PLEKHA5: variants seen among roughly 807,000 people sequenced by gnomAD.
PLEKHA5 encodes pleckstrin homology domain containing A5, also known as pleckstrin homology domain-containing family A member 5.
In PLEKHA5, 55 loss-of-function variants were observed where a neutral mutation model predicts 181.9. The ratio of observed to expected loss-of-function variants is 0.30; its 90% confidence interval spans 0.24 to 0.38. The LOEUF is 0.38. PLEKHA5 is among the 10% of genes least tolerant of loss of function. The pLI, the probability that PLEKHA5 is intolerant of heterozygous loss-of-function variation, is 1.00. For synonymous variants in PLEKHA5, 535 were observed against 529.4 expected (o/e 1.01, Z -0.15); for missense variants, 1,432 against 1,549.5 (o/e 0.92, Z 1.27).
At chr12:19,248,656 T>C (rs757465142) in intron 3 of PLEKHA5, among the ~76,000 whole-genome samples, 7 of 152,234 alleles carry the variant, frequency 4.6e-5, no homozygotes, top group South Asian at 2.1e-4. Context: ...ATATATTTTC[T>C]ATTTTTATAG....
chr12:19,163,872 A>C (rs1398909250), intron 3 of PLEKHA5, among the ~76,000 whole-genome samples: 1 of 152,124 alleles, frequency 6.6e-6, no homozygotes, highest in African/African-American at 2.4e-5. Flanking sequence ...AATAGAGAAA[A>C]GTTGGCTGAC....
chr12:19,274,257 C>T (rs1169859843), intron 10 of PLEKHA5, among the ~76,000 whole-genome samples: 3 of 152,182 alleles, frequency 2.0e-5, no homozygotes, highest in Non-Finnish European at 4.4e-5. Flanking sequence ...TTTCAGATTC[C>T]TAATGGTGGG....
intron 15 of PLEKHA5, among the ~76,000 whole-genome samples, chr12:19,293,811 TTG>T (rs1290001159): frequency 1.3e-5 from 2 of 152,116 alleles, no homozygotes; most frequent in Non-Finnish European, 2.9e-5. Context: ...CACATCGAGA[TTG>T]TGTTTTATCC....
At chr12:19,162,054 A>C (rs948176130) in intron 3 of PLEKHA5, among the ~76,000 whole-genome samples, 5 of 152,188 alleles carry the variant, frequency 3.3e-5, no homozygotes, top group African/African-American at 1.2e-4. Context: ...GGCTTGTTGC[A>C]TGCATCCATA....
intron 3 of PLEKHA5, among the ~76,000 whole-genome samples, chr12:19,199,725 T>G (rs547141610): frequency 2.0e-5 from 3 of 152,320 alleles, no homozygotes; most frequent in Non-Finnish European, 4.4e-5. Context: ...AAGCACATTC[T>G]ACGACTTGAG....
chr12:19,225,231 T>G (rs2059528130), intron 3 of PLEKHA5, among the ~76,000 whole-genome samples: 1 of 152,136 alleles, frequency 6.6e-6, no homozygotes, highest in Non-Finnish European at 1.5e-5. Flanking sequence ...CTGCTCCTTT[T>G]TACTCCATCT....
At chr12:19,238,998 C>T (rs1482040534) in intron 3 of PLEKHA5, among the ~76,000 whole-genome samples, 1 of 152,092 alleles carries the variant, frequency 6.6e-6, no homozygotes, top group African/African-American at 2.4e-5. Context: ...TGCTACTCTT[C>T]TTTGTTTGAA....
At chr12:19,182,137 C>G (rs1307025469) in intron 3 of PLEKHA5, among the ~76,000 whole-genome samples, 1 of 151,942 alleles carries the variant, frequency 6.6e-6, no homozygotes, top group Non-Finnish European at 1.5e-5. Context: ...ATTTATATAC[C>G]AATTAAAGCC....
intron 20 of PLEKHA5, among the ~76,000 whole-genome samples, chr12:19,330,253 G>A (rs1408228115): frequency 6.6e-6 from 1 of 152,102 alleles, no homozygotes; most frequent in East Asian, 1.9e-4. Flanking sequence ...ACTAAACATG[G>A]GAGTTAACAA....
At chr12:19,358,735 A>C (rs2095074538) in intron 27 of PLEKHA5, among the ~76,000 whole-genome samples, 2 of 152,194 alleles carry the variant, frequency 1.3e-5, no homozygotes, top group Non-Finnish European at 2.9e-5. Context: ...AGAAAATAAA[A>C]GGGTTTTCAA....
chr12:19,132,066 A>C (rs978576569), intron 2 of PLEKHA5, among the ~76,000 whole-genome samples: 3 of 151,704 alleles, frequency 2.0e-5, no homozygotes, highest in African/African-American at 7.3e-5. Context: ...TTTTTTTGCT[A>C]GTCATTCATG....
intron 20 of PLEKHA5, among the ~76,000 whole-genome samples, chr12:19,332,742 C>G (rs1451736728): frequency 6.6e-6 from 1 of 152,320 alleles, no homozygotes; most frequent in African/African-American, 2.4e-5. Flanking sequence ...CAGCTCACTG[C>G]AACCTGCACC....
chr12:19,359,581 GA>G, intron 28 of PLEKHA5, 35 bp downstream of exon 28: 5 of 1,591,276 alleles, frequency 3.1e-6, no homozygotes, highest in Non-Finnish European at 4.3e-6. Context: ...TATTCCAAAG[GA>G]ATAGATTTGT....
intron 30 of PLEKHA5, among the ~76,000 whole-genome samples, chr12:19,366,546 C>T (rs1050837238): frequency 6.6e-6 from 1 of 152,042 alleles, no homozygotes; most frequent in Non-Finnish European, 1.5e-5. Flanking sequence ...CCCAGCTACT[C>T]AGGAGGCTGA....
intron 3 of PLEKHA5, among the ~76,000 whole-genome samples, chr12:19,234,209 C>G (rs2061057979): frequency 6.6e-6 from 1 of 152,212 alleles, no homozygotes; most frequent in Non-Finnish European, 1.5e-5. Context: ...GTCAGGTCAG[C>G]TGTCAGTTTG....
At chr12:19,256,961 G>A (rs1290259843) in intron 5 of PLEKHA5, among the ~76,000 whole-genome samples, 1 of 152,080 alleles carries the variant, frequency 6.6e-6, no homozygotes, top group Non-Finnish European at 1.5e-5. Context: ...GACTTGATGT[G>A]ATATATTTGT....
intron 15 of PLEKHA5, among the ~76,000 whole-genome samples, chr12:19,304,308 G>T (rs922606509): frequency 6.6e-6 from 1 of 152,176 alleles, no homozygotes; most frequent in South Asian, 2.1e-4. Flanking sequence ...ACGAGGCTGA[G>T]GCAAGAGAAT....
At chr12:19,199,456 ATCTGTT>A (rs1274735892) in intron 3 of PLEKHA5, among the ~76,000 whole-genome samples, 1 of 152,162 alleles carries the variant, frequency 6.6e-6, no homozygotes, top group Non-Finnish European at 1.5e-5. Context: ...TGATGGCAGC[ATCTGTT>A]TCTAACTTGT....
intron 29 of PLEKHA5, among the ~76,000 whole-genome samples, chr12:19,362,135 T>C (rs1219437031): frequency 8.4e-6 from 1 of 119,256 alleles, no homozygotes; most frequent in East Asian, 2.5e-4. Context: ...GCCAGTATAC[T>C]CCAGCCTGGG....
Sources: gnomAD v4.1 joint callset for allele counts (sites outside exome capture counted in the v4.1 genomes callset) on GRCh38, gnomAD v4.1.1 for gene constraint, MANE v1.5 for transcripts, NCBI Gene and HGNC (gene_info 2026-07-23, HGNC 2026-07-21) for gene names.